WRAP53: variants seen among roughly 807,000 people sequenced by gnomAD.
WRAP53 encodes the protein WD repeat containing antisense to TP53, also known as telomerase Cajal body protein 1.
Under a neutral mutation model 56.6 loss-of-function variants are expected in WRAP53, and 28 were observed. That is an observed-to-expected ratio of 0.50 (90% CI 0.37 to 0.68). The LOEUF (loss-of-function observed/expected upper bound fraction) is 0.68, where lower values mean the gene tolerates loss of function less well. Ranked by LOEUF, WRAP53 falls within the 30% of genes least tolerant of loss-of-function variation. The pLI is 0.00. For missense variants in WRAP53, 671 were observed against 715.5 expected (o/e 0.94, Z 0.71); for synonymous variants, 283 against 283.4 (o/e 1.00, Z 0.01).
At chr17:7,689,457 A>G (rs141837480) in intron 3 of WRAP53, 133 bp from the exon 4 acceptor site, 2 of 1,259,876 alleles carry the variant, frequency 1.6e-6, no homozygotes, top group African/African-American at 1.5e-5. Flanking sequence ...CTTACATTTT[A>G]TCTAGCAGTT....
chr17:7,695,672 C>T (rs2074174067), intron 4 of WRAP53, among the ~76,000 whole-genome samples: 1 of 152,158 alleles, frequency 6.6e-6, no homozygotes. Flanking sequence ...CCTTCCGGTG[C>T]TCTCCTGTTC....
intron 4 of WRAP53, among the ~76,000 whole-genome samples, chr17:7,694,446 T>C (rs1483243749): frequency 1.3e-5 from 2 of 152,018 alleles, no homozygotes; most frequent in Admixed American, 6.6e-5. Flanking sequence ...TTTCGCCAAG[T>C]TGGCCAGGCT....
chr17:7,688,457 C>T (rs1472369445), upstream of WRAP53: 10 of 629,380 alleles, frequency 1.6e-5, no homozygotes, highest in Admixed American at 2.1e-4. Context: ...CCCGTAGCGA[C>T]CCGCGGTGCT....
At position 7,689,334 on chromosome 17, in the gene WRAP53, A is replaced by C. The variant is rs2074075069; in HGVS notation, c.530+12A>C. The stretch of plus-strand genomic sequence containing the variant: ...AAAGGCTGTAAGTGGTAAGGATAAC[A>C]ACGGGGCAGGGAGCTGACCACCCCC... On this transcript the variant is annotated intron_variant, in intron 3 of 10. Transcript: ENST00000396463. The C allele has an allele frequency of 6.2e-7, 1 of 1,613,370 alleles. No homozygotes were observed. The highest frequency in any genetic ancestry group is 1.7e-5 in the Admixed American group (1 of 59,984).
rs80354016 is a variant in WRAP53, at chr17:7,703,445, G to A, written c.1606G>A (p.Gly536Arg). 56 of 1,613,848 alleles carry A rather than the reference G, an allele frequency of 3.5e-5. No individual in the cohort carries two copies. The African/African-American group carries it at 7.2e-4, about 21-fold the overall frequency. The change falls in exon 11 of 11, where the codon GGG becomes AGG. Residue 536 changes from glycine to arginine, a missense_variant. Physicochemically the swap from Gly to Arg is moderately radical, Grantham distance 125 (BLOSUM62 -2). Transcript: ENST00000396463. Reference protein sequence around the residue: ...SIPDDHQGEKGQGGTEGGVGE... With the variant: ...SIPDDHQGEKRQGGTEGGVGE... The stretch of plus-strand genomic sequence containing the variant: ...CCCTGATGATCACCAGGGCGAGAAA[G>A]GGCAGGGAGGAACGGAGGGAGGTGT...
At position 7,688,850 on chromosome 17, in the gene WRAP53, C is replaced by G. The variant is rs2287499; in HGVS notation, c.202C>G (p.Arg68Gly). ...TGGCTCAGCTGTGTCCCAGGAGCTA[C>G]GGGAGGGGGACCCAGTTTCTCTCTC... ...VAGSAVSQEL[R>G]EGDPVSLSTP... Residue 68 changes from arginine to glycine, a missense_variant, in exon 2 of 11, where the codon CGG becomes GGG. Physicochemically the swap from Arg to Gly is moderately radical, Grantham distance 125. This residue lies in a region of WRAP53 where 406 missense variants were observed against 418.5 expected (regional missense o/e 0.97). Transcript: ENST00000396463. 0.16 allele frequency: 258,540 copies of G among 1,614,002 alleles called. 38,182 individuals carry two copies. Among genetic ancestry groups the G allele is most frequent in the African/African-American group, 0.77 (57,638 of 74,958 alleles).
At chr17:7,699,476 TTATATATATATATATATATA>T (rs1299417199) in intron 4 of WRAP53, among the ~76,000 whole-genome samples, 1 of 11,400 alleles carries the variant, frequency 8.8e-5, no homozygotes, top group Non-Finnish European at 1.3e-4. Context: ...ATATATATAT[TTATATATATATATATATATA>T]TATATTTATA....
Position 7,703,236 on chromosome 17 carries a change from C to G in WRAP53, c.1404-7C>G, listed in dbSNP as rs1465007952. ...GCACTGATAGACCCTCCCCATCTCT[C>G]CCTCAGCCTGCACCCTAGCCTGCCT... On this transcript the variant is annotated splice_polypyrimidine_tract_variant and splice_region_variant and intron_variant, in intron 10 of 10. Transcript: ENST00000396463. 3 of 1,613,402 alleles carry G rather than the reference C, an allele frequency of 1.9e-6. No homozygotes were observed. The highest frequency in any genetic ancestry group is 2.5e-6 in the Non-Finnish European group (3 of 1,180,032).
At position 7,702,414 on chromosome 17, in the gene WRAP53, T is replaced by C; in HGVS notation, c.1026T>C (p.Cys342=). The C allele has an allele frequency of 6.2e-7, 1 of 1,614,160 alleles. No homozygotes were observed. The highest frequency in any genetic ancestry group is 1.1e-5 in the South Asian group (1 of 91,086). The change falls in exon 8 of 11, where the codon TGT becomes TGC. Residue 342 remains cysteine (C), a synonymous_variant. Coordinates refer to ENST00000396463, the MANE Select transcript of WRAP53 (RefSeq NM_001143992.2). This position sits in a 1 kb window ranked among gnomAD's most constrained non-coding sequence, Gnocchi z 5.0. ...GCCCAGCCCAGCCCCTCTATGCCTGTGGCTCCTACGGCCGCTCCCTGGGTC... is the reference window on the plus strand; with the variant it reads ...GCCCAGCCCAGCCCCTCTATGCCTGCGGCTCCTACGGCCGCTCCCTGGGTC... ...AFSPAQPLYA[C]GSYGRSLGLY...
intron 4 of WRAP53, among the ~76,000 whole-genome samples, chr17:7,691,430 C>G (rs1454263780): frequency 6.8e-6 from 1 of 146,288 alleles, no homozygotes; most frequent in Non-Finnish European, 1.5e-5. Flanking sequence ...TGCTCTGTCG[C>G]CCAGGCTGGA....
At chr17:7,688,294 C>G (rs542836334), upstream of WRAP53, 2 of 310,542 alleles carry the variant, frequency 6.4e-6, no homozygotes, top group African/African-American at 4.4e-5. Context: ...CAACTCCCAG[C>G]AGCCACGAGG....
At position 7,688,800 on chromosome 17, in the gene WRAP53, C is replaced by T. The variant is rs779303064; in HGVS notation, c.152C>T (p.Pro51Leu). The change falls in exon 2 of 11, where the codon CCC (proline) becomes CTC (leucine). Residue 51 changes from proline to leucine, a missense_variant. Transcript: ENST00000396463. Reference protein sequence around the residue: ...MPPPPERGDPPRLSPDPVAGS... With the variant: ...MPPPPERGDPLRLSPDPVAGS... Reference sequence around the variant, plus strand: ...CCGCCTCCCGAAAGGGGGGATCCGCCCCGGTTGTCCCCAGATCCTGTGGCT... The same window carrying T: ...CCGCCTCCCGAAAGGGGGGATCCGCTCCGGTTGTCCCCAGATCCTGTGGCT... The T allele has an allele frequency of 6.2e-7, 1 of 1,614,188 alleles. No homozygotes were observed. The highest frequency in any genetic ancestry group is 1.1e-5 in the South Asian group (1 of 91,084).
intron 4 of WRAP53, among the ~76,000 whole-genome samples, chr17:7,695,438 A>G (rs751321003): frequency 8.6e-5 from 13 of 151,890 alleles, no homozygotes; most frequent in Non-Finnish European, 1.8e-4. Context: ...TTTCCTGAGT[A>G]CTTGCCCTGC....
intron 4 of WRAP53, 28 bp downstream of exon 4, chr17:7,689,729 A>G (rs374515206): frequency 1.7e-5 from 27 of 1,551,810 alleles, no homozygotes; most frequent in Non-Finnish European, 2.4e-5. Flanking sequence ...CTGCCTCTTC[A>G]TCAATGCTGC....
intron 4 of WRAP53, among the ~76,000 whole-genome samples, chr17:7,692,620 C>CGA (rs1351786962): frequency 1.7e-5 from 1 of 59,042 alleles, no homozygotes; most frequent in Non-Finnish European, 3.2e-5. Context: ...GACTCCGTCT[C>CGA]AAAAAAAAAA....
At chr17:7,696,354 A>AG (rs2074185243) in intron 4 of WRAP53, among the ~76,000 whole-genome samples, 1 of 128,166 alleles carries the variant, frequency 7.8e-6, no homozygotes, top group African/African-American at 3.1e-5. Flanking sequence ...GCTGGAGTGC[A>AG]GTGGCGCGAT....
Position 7,703,500 on chromosome 17 carries a change from AT to A in WRAP53, c.*15del, listed in dbSNP as rs2074305708. On this transcript the variant is annotated 3_prime_UTR_variant, in exon 11 of 11. Transcript: ENST00000396463. The stretch of plus-strand genomic sequence containing the variant: ...GAGCTGATATAAAAAGGTTTTTATG[AT>A]ACTAGAGTCTTCGTGTCTGTTTTGG... The A allele has an allele frequency of 6.4e-7, 1 of 1,560,234 alleles. No individual in the cohort carries two copies. Among genetic ancestry groups the A allele is most frequent in the East Asian group, 2.6e-5 (1 of 38,266 alleles).
intron 4 of WRAP53, among the ~76,000 whole-genome samples, chr17:7,694,655 C>T (rs1209484012): frequency 5.3e-5 from 8 of 151,990 alleles, no homozygotes; most frequent in Admixed American, 5.3e-4. Context: ...AGTTTGAGAC[C>T]AGCCTTGGTA....
rs1449086769 is a variant in WRAP53, at chr17:7,688,782, C to G, written c.134C>G (p.Pro45Arg). Residue 45 changes from proline to arginine, a missense_variant, in exon 2 of 11, where the codon CCC (proline) becomes CGC (arginine). By Grantham distance (103) the Pro-to-Arg change is moderately radical. Transcript: ENST00000396463. ...GACTCTGAACTGATGCCACCGCCTC[C>G]CGAAAGGGGGGATCCGCCCCGGTTG... ...NADSELMPPP[P>R]ERGDPPRLSP... The G allele has an allele frequency of 6.2e-7, 1 of 1,614,220 alleles. No individual in the cohort carries two copies. Among genetic ancestry groups the G allele is most frequent in the East Asian group, 2.2e-5 (1 of 44,886 alleles).
Sources: allele counts gnomAD v4.1 joint callset (sites outside exome capture counted in the v4.1 genomes callset), GRCh38; gene constraint gnomAD v4.1.1; regional missense constraint gnomAD v4.1.1; non-coding constraint Gnocchi (gnomAD v3.1); transcripts MANE v1.5; gene names NCBI Gene and HGNC (gene_info 2026-07-23, HGNC 2026-07-21).